The following COL6A6 variants were observed in gnomAD, a reference collection of about 807,000 sequenced individuals.
COL6A6 encodes collagen alpha-6(VI) chain.
In COL6A6, 183 loss-of-function variants were observed where a neutral mutation model predicts 208.6. That is an observed-to-expected ratio of 0.88 (90% CI 0.78 to 0.99). COL6A6 has a LOEUF of 0.99. Among genes scored for constraint, COL6A6 ranks in the 50% least tolerant of loss-of-function variants. The pLI, the probability that COL6A6 is intolerant of heterozygous loss-of-function variation, is 0.00. For missense variants in COL6A6, 2,816 were observed against 2,815.2 expected (o/e 1.00, Z -0.01); for synonymous variants, 973 against 1,011.8 (o/e 0.96, Z 0.73).
chr3:130,605,391 A>T (rs557255515), intron 20 of COL6A6, among the ~76,000 whole-genome samples: 1,653 of 106,206 alleles, frequency 0.016, 37 homozygotes, highest in African/African-American at 0.081. Flanking sequence ...TGTGTGTGTG[A>T]GATCTTTATG....
intron 1 of COL6A6, among the ~76,000 whole-genome samples, chr3:130,558,644 C>A (rs1320039676): frequency 2.6e-5 from 4 of 152,168 alleles, no homozygotes; most frequent in Admixed American, 2.6e-4. Context: ...TGTTTGCAAA[C>A]TTTTGACATT....
intron 24 of COL6A6, among the ~76,000 whole-genome samples, chr3:130,623,646 T>C (rs960695539): frequency 1.3e-5 from 2 of 152,152 alleles, no homozygotes; most frequent in African/African-American, 4.8e-5. Context: ...ACTTGGGGGC[T>C]TCGTGTATGA....
chr3:130,573,968 A>G lies in COL6A6; in HGVS notation c.2990A>G (p.Asp997Gly), dbSNP rs747792281. The stretch of plus-strand genomic sequence containing the variant: ...CTCTTCTTTGTAGATTGTGAAATTG[A>G]CAAAGTAGATCTTGTTTTCCTTATG... The part of the protein sequence containing the change: ...CNSSKVDCEI[D>G]KVDLVFLMDG... Residue 997 changes from aspartate (D) to glycine (G), a missense_variant, in exon 8 of 37, where the codon GAC becomes GGC. By Grantham distance (94) the Asp-to-Gly change is moderately conservative (BLOSUM62 -1). Coordinates refer to ENST00000358511, the MANE Select transcript of COL6A6 (RefSeq NM_001102608.3). 5 of 1,606,984 alleles carry G rather than the reference A, an allele frequency of 3.1e-6. No individual in the cohort carries two copies. The highest frequency in any genetic ancestry group is 4.3e-6 in the Non-Finnish European group (5 of 1,174,140).
At chr3:130,615,878 C>A (rs1005511508) in intron 23 of COL6A6, among the ~76,000 whole-genome samples, 1 of 152,028 alleles carries the variant, frequency 6.6e-6, no homozygotes, top group Non-Finnish European at 1.5e-5. Flanking sequence ...GAATGAGTAC[C>A]CTTTAATCTT....
intron 24 of COL6A6, 99 bp from the exon 25 acceptor site, chr3:130,626,386 T>G: frequency 1.1e-6 from 1 of 885,876 alleles, no homozygotes; most frequent in South Asian, 1.4e-5. Context: ...CACACAGTTC[T>G]GGGCACAAAC....
At chr3:130,621,970 C>T (rs1015497744) in intron 24 of COL6A6, 87 bp downstream of exon 24, 2 of 1,143,800 alleles carry the variant, frequency 1.7e-6, no homozygotes, top group Non-Finnish European at 2.6e-6. Flanking sequence ...GCCCTTTCAA[C>T]ACAAACAAGA....
At chr3:130,626,674 T>G in intron 25 of COL6A6, 127 bp downstream of exon 25, 1 of 683,382 alleles carries the variant, frequency 1.5e-6, no homozygotes, top group East Asian at 2.6e-5. Context: ...TTTATAGAAA[T>G]TAGGAGGGAT....
At chr3:130,608,377 C>T (rs567796327) in intron 21 of COL6A6, among the ~76,000 whole-genome samples, 32 of 152,254 alleles carry the variant, frequency 2.1e-4, no homozygotes, top group Non-Finnish European at 3.8e-4. Context: ...AACTTAGGCT[C>T]TCCTAATAGT....
Position 130,641,696 on chromosome 3 carries a change from A to G in COL6A6, c.5136A>G (p.Pro1712=), listed in dbSNP as rs2065314045. 6.3e-7 allele frequency: 1 copy of G among 1,597,930 alleles called. No individual in the cohort carries two copies. Among genetic ancestry groups the G allele is most frequent in the Non-Finnish European group, 8.6e-7 (1 of 1,166,802 alleles). Residue 1712 remains proline (P), a synonymous_variant, in exon 29 of 37, where the codon CCA becomes CCG. Coordinates refer to ENST00000358511, the MANE Select transcript of COL6A6 (RefSeq NM_001102608.3). ...LPGEMGSPGE[P]GPPGRKGVKG... ...GAGAGATGGGATCCCCTGGGGAACC[A>G]GGACCTCCTGGACGTAAGGTAAGTA...
At position 130,586,561 on chromosome 3, in the gene COL6A6, G is replaced by A. The variant is rs368040530; in HGVS notation, c.4026G>A (p.Leu1342=). 15 of 1,613,880 alleles carry A rather than the reference G, an allele frequency of 9.3e-6. No homozygotes were observed. Among genetic ancestry groups the A allele is most frequent in the East Asian group, 2.2e-5 (1 of 44,864 alleles). Residue 1342 remains leucine, a synonymous_variant, in exon 11 of 37, where the codon TTG becomes TTA. Transcript: ENST00000358511. ...ALDGPADSSD[L]ADLPYIEFGK... ...ATGGACCTGCTGATTCAAGTGACTTGGCTGATCTTCCCTATATTGAATTTG... is the reference window on the plus strand; with the variant it reads ...ATGGACCTGCTGATTCAAGTGACTTAGCTGATCTTCCCTATATTGAATTTG...
At chr3:130,534,385 AT>A (rs1255618510) in intron 1 of COL6A6, among the ~76,000 whole-genome samples, 1 of 152,142 alleles carries the variant, frequency 6.6e-6, no homozygotes, top group Non-Finnish European at 1.5e-5. Flanking sequence ...TGATTCATAG[AT>A]TAAATATATT....
rs373136353 is a variant in COL6A6 at position 130,599,759 on chromosome 3, C to T, written c.4602C>T (p.Gly1534=). ...TGLKGERGRQ[G]RRGWPGPPGT... ...ACATCTGTCTGTTCCTTTGACAGGGCAGAAGAGGCTGGCCAGGCCCCCCCG... is the reference window on the plus strand; with the variant it reads ...ACATCTGTCTGTTCCTTTGACAGGGTAGAAGAGGCTGGCCAGGCCCCCCCG... The change falls in exon 20 of 37, where the codon GGC becomes GGT. Residue 1534 remains glycine, a splice_region_variant and synonymous_variant. Coordinates refer to ENST00000358511, the MANE Select transcript of COL6A6 (RefSeq NM_001102608.3). 4.6e-5 allele frequency: 75 copies of T among 1,613,670 alleles called. No homozygotes were observed. In the African/African-American group the frequency reaches 8.9e-4, roughly 19 times the overall value.
rs558101486 is a variant in COL6A6 at position 130,661,159 on chromosome 3, CACTG to C, written c.5831-476_5831-473del. On this transcript the variant is annotated intron_variant, in intron 34 of 36. Coordinates refer to ENST00000358511, the MANE Select transcript of COL6A6 (RefSeq NM_001102608.3). The stretch of plus-strand genomic sequence containing the variant: ...TCCTTAAGGATCACTCATAGGTAGA[CACTG>C]AGTTATAAACTTATTTAAATTGAAA... 4.6e-5 allele frequency among the ~76,000 whole-genome samples: 7 copies of C among 152,288 alleles called. No individual in the cohort carries two copies. In the South Asian group the frequency reaches 6.2e-4, roughly 14 times the overall value.
At chr3:130,615,052 G>C (rs2064476347) in intron 23 of COL6A6, among the ~76,000 whole-genome samples, 1 of 151,254 alleles carries the variant, frequency 6.6e-6, no homozygotes, top group Non-Finnish European at 1.5e-5. Flanking sequence ...CTAGCTTTGG[G>C]GTTGGTTTTC....
chr3:130,649,028 T>C, intron 32 of COL6A6, 41 bp from the exon 33 acceptor site: 1 of 1,408,650 alleles, frequency 7.1e-7, no homozygotes, highest in Non-Finnish European at 9.3e-7. Context: ...TTTTTTTTTT[T>C]TAAATAAGGA....
intron 1 of COL6A6, among the ~76,000 whole-genome samples, chr3:130,545,647 A>C (rs2062477661): frequency 6.6e-6 from 1 of 152,052 alleles, no homozygotes; most frequent in East Asian, 1.9e-4. Context: ...GTAGAGACAG[A>C]GGTTTCACCA....
At position 130,552,685 on chromosome 3, in the gene COL6A6, C is replaced by T. The variant is rs186256239; in HGVS notation, c.-31-7649C>T. 2.3e-3 allele frequency among the ~76,000 whole-genome samples: 345 copies of T among 152,274 alleles called. 1 individual carries two copies. The highest frequency in any genetic ancestry group is 0.013 in the South Asian group (63 of 4,834). ...ATATGTGCGAATTTCATCCTGTCAT[C>T]GTGTTGTTAACTTAACCCTGGTTAT... is the stretch of plus-strand genomic sequence containing the variant. On this transcript the variant is annotated intron_variant, in intron 1 of 36. Transcript: ENST00000358511.
At chr3:130,621,982 C>A in intron 24 of COL6A6, 99 bp downstream of exon 24, 1 of 1,025,742 alleles carries the variant, frequency 9.7e-7, no homozygotes, top group Non-Finnish European at 1.5e-6. Context: ...CAAACAAGAA[C>A]ACATTTTCTG....
intron 20 of COL6A6, among the ~76,000 whole-genome samples, chr3:130,606,155 T>C (rs1255290221): frequency 6.6e-6 from 1 of 152,254 alleles, no homozygotes; most frequent in Admixed American, 6.5e-5. Context: ...TCCGATTTTA[T>C]TGAATTTTGC....
Sources: allele counts gnomAD v4.1 joint callset (sites outside exome capture counted in the v4.1 genomes callset), GRCh38; gene constraint gnomAD v4.1.1; transcripts MANE v1.5; gene names NCBI Gene and HGNC (gene_info 2026-07-23, HGNC 2026-07-21).